Variants in DNAJC24 observed in about 807,000 individuals in gnomAD.
DNAJC24 encodes DnaJ heat shock protein family (Hsp40) member C24, also known as dnaJ homolog subfamily C member 24.
DNAJC24 carries 17 observed loss-of-function variants against 18.0 expected under a neutral mutation model. The ratio of observed to expected loss-of-function variants is 0.94; its 90% confidence interval spans 0.65 to 1.42. The LOEUF (loss-of-function observed/expected upper bound fraction) is 1.42. Ranked by LOEUF, DNAJC24 falls within the 40% of genes most tolerant of loss-of-function variation. The pLI is 0.00. For synonymous variants in DNAJC24, 55 were observed against 57.7 expected (o/e 0.95, Z 0.21); for missense variants, 158 against 175.6 (o/e 0.90, Z 0.57).
At chr11:31,378,140 C>G (rs577232445) in intron 2 of DNAJC24, among the ~76,000 whole-genome samples, 4 of 151,834 alleles carry the variant, frequency 2.6e-5, no homozygotes, top group South Asian at 4.2e-4. Context: ...GAGTACATTA[C>G]AAAGCAAAAG....
chr11:31,388,425 C>T (rs1174770204), intron 2 of DNAJC24, among the ~76,000 whole-genome samples: 1 of 152,108 alleles, frequency 6.6e-6, no homozygotes, highest in African/African-American at 2.4e-5. Context: ...ACCAGCCTTC[C>T]CAGTGGAAAC....
chr11:31,387,604 A>G (rs1389228456), intron 2 of DNAJC24, among the ~76,000 whole-genome samples: 2 of 152,130 alleles, frequency 1.3e-5, no homozygotes, highest in Non-Finnish European at 2.9e-5. Flanking sequence ...TACAACACAC[A>G]AGTCTCTCTG....
chr11:31,405,432 C>T (rs1349875400), intron 2 of DNAJC24, among the ~76,000 whole-genome samples: 1 of 150,142 alleles, frequency 6.7e-6, no homozygotes, highest in Non-Finnish European at 1.5e-5. Context: ...CTCATAGCTA[C>T]TGTCTTAGTC....
intron 3 of DNAJC24, among the ~76,000 whole-genome samples, chr11:31,422,903 A>G (rs1050896141): frequency 1.3e-5 from 2 of 152,048 alleles, no homozygotes; most frequent in Admixed American, 6.6e-5. Context: ...CCTCTCAACA[A>G]AGGATCTTGG....
chr11:31,387,004 C>T (rs1262999820), intron 2 of DNAJC24, among the ~76,000 whole-genome samples: 2 of 152,184 alleles, frequency 1.3e-5, no homozygotes, highest in Non-Finnish European at 2.9e-5. Flanking sequence ...AGGGGAGAGA[C>T]TCCTTCTGCA....
chr11:31,398,225 T>C (rs1952562814), intron 2 of DNAJC24, among the ~76,000 whole-genome samples: 2 of 152,140 alleles, frequency 1.3e-5, no homozygotes, highest in Admixed American at 1.3e-4. Flanking sequence ...ACTCTTTTTT[T>C]TTTCCCTGTC....
At chr11:31,406,032 C>A (rs982524115) in intron 2 of DNAJC24, among the ~76,000 whole-genome samples, 2 of 152,280 alleles carry the variant, frequency 1.3e-5, no homozygotes, top group South Asian at 4.1e-4. Context: ...AGTACTGTCA[C>A]AATGACAATG....
At chr11:31,421,829 C>A in intron 3 of DNAJC24, 1 of 195,834 alleles carries the variant, frequency 5.1e-6, no homozygotes, top group South Asian at 7.4e-5. Flanking sequence ...GAAAAAAAAC[C>A]TTTCCTCTTT....
At chr11:31,398,478 A>G (rs1162939686) in intron 2 of DNAJC24, among the ~76,000 whole-genome samples, 1 of 152,250 alleles carries the variant, frequency 6.6e-6, no homozygotes, top group Non-Finnish European at 1.5e-5. Context: ...TTTTATTTAA[A>G]GAATATTTGT....
chr11:31,399,711 CT>C (rs1160199093), intron 2 of DNAJC24, among the ~76,000 whole-genome samples: 2 of 119,748 alleles, frequency 1.7e-5, no homozygotes, highest in African/African-American at 7.1e-5. Flanking sequence ...CATGCCCAGC[CT>C]CTTTTTTTTT....
At chr11:31,382,385 G>A (rs1952385302) in intron 2 of DNAJC24, among the ~76,000 whole-genome samples, 1 of 152,126 alleles carries the variant, frequency 6.6e-6, no homozygotes, top group South Asian at 2.1e-4. Context: ...AAAGCATTTA[G>A]CCAGTGTCTT....
chr11:31,374,458 A>C (rs1252442222), intron 2 of DNAJC24, among the ~76,000 whole-genome samples: 1 of 134,024 alleles, frequency 7.5e-6, no homozygotes, highest in Non-Finnish European at 1.7e-5. Context: ...ACCACTTATC[A>C]TGAAGCATTA....
At chr11:31,407,706 A>ATAT (rs1182191428) in intron 2 of DNAJC24, among the ~76,000 whole-genome samples, 81 of 61,672 alleles carry the variant, frequency 1.3e-3, no homozygotes, top group African/African-American at 2.9e-3. Context: ...AAAAAAAAAA[A>ATAT]ATATATATAT....
intron 2 of DNAJC24, chr11:31,374,099 T>C: frequency 2.6e-6 from 1 of 390,642 alleles, no homozygotes; most frequent in Non-Finnish European, 5.3e-6. Flanking sequence ...TTTCTTACGT[T>C]AAGGCACTAG....
chr11:31,431,949 C>T lies in DNAJC24; in HGVS notation c.*1548C>T, dbSNP rs1952929013. The T allele has an allele frequency of 6.6e-6, 1 of 152,408 alleles. No individual in the cohort carries two copies. Among genetic ancestry groups the T allele is most frequent in the Non-Finnish European group, 1.5e-5 (1 of 68,254 alleles). The allele number at this position is 152,408 out of a possible 1,614,324, so 9.4% of individuals were successfully genotyped here. ...ATTGACTATAGCCAACTACAGATGG[C>T]ATATGCCTTAAAGATGCATTTTTCT... On this transcript the variant is annotated 3_prime_UTR_variant, in exon 5 of 5. Transcript: ENST00000465995.
At chr11:31,417,401 C>A (rs1269809846) in intron 3 of DNAJC24, 1 of 151,678 alleles carries the variant, frequency 6.6e-6, no homozygotes, top group Non-Finnish European at 1.5e-5. Context: ...AATGGCTCCT[C>A]AAAAAAAGGA....
chr11:31,389,244 A>G (rs913270884), intron 2 of DNAJC24, among the ~76,000 whole-genome samples: 2 of 152,178 alleles, frequency 1.3e-5, no homozygotes, highest in Non-Finnish European at 2.9e-5. Context: ...AGACCCAACC[A>G]TCTGTTGCCT....
intron 2 of DNAJC24, among the ~76,000 whole-genome samples, chr11:31,395,598 G>C (rs1205583196): frequency 6.6e-6 from 1 of 151,954 alleles, no homozygotes; most frequent in Admixed American, 6.6e-5. Flanking sequence ...TTTAAATTTT[G>C]TTCAAAATAT....
At chr11:31,406,422 A>G (rs1952659076) in intron 2 of DNAJC24, among the ~76,000 whole-genome samples, 1 of 152,232 alleles carries the variant, frequency 6.6e-6, no homozygotes, top group Admixed American at 6.5e-5. Flanking sequence ...GCTTAAATAT[A>G]CAAATATTTA....
Sources: gnomAD v4.1 joint callset for allele counts (sites outside exome capture counted in the v4.1 genomes callset) on GRCh38, gnomAD v4.1.1 for gene constraint, MANE v1.5 for transcripts, NCBI Gene and HGNC (gene_info 2026-07-23, HGNC 2026-07-21) for gene names.